Variants in CSMD1 observed in about 807,000 individuals in gnomAD.
CSMD1 encodes CUB and Sushi multiple domains 1.
A neutral mutation model predicts 417.5 loss-of-function variants in CSMD1; 213 were observed. The ratio of observed to expected loss-of-function variants is 0.51; its 90% CI spans 0.46 to 0.57. The LOEUF is 0.57. Among genes scored for constraint, CSMD1 ranks in the 20% least tolerant of loss-of-function variants. The probability of loss-of-function intolerance (pLI) is 0.00; values close to 1 mark genes in which losing one functional copy is unlikely to be tolerated. For synonymous variants in CSMD1, 2,862 were observed against 1,736.8 expected (o/e 1.65, Z -16.11); for missense variants, 6,923 against 4,529.7 (o/e 1.53, Z -15.17).
At chr8:3,257,731 C>T (rs1032990146) in intron 26 of CSMD1, among the ~76,000 whole-genome samples, 27 of 152,102 alleles carry the variant, frequency 1.8e-4, no homozygotes, top group African/African-American at 6.5e-4. Flanking sequence ...GTTGGAGAAG[C>T]ATGGACATTT....
At chr8:4,187,812 A>C (rs1435794381) in intron 3 of CSMD1, among the ~76,000 whole-genome samples, 1 of 152,144 alleles carries the variant, frequency 6.6e-6, no homozygotes, top group African/African-American at 2.4e-5. Context: ...TTATTTTCCA[A>C]AATCACAGTT....
intron 3 of CSMD1, among the ~76,000 whole-genome samples, chr8:4,108,023 G>C (rs1299466177): frequency 6.6e-6 from 1 of 151,364 alleles, no homozygotes. Flanking sequence ...AAGACTGCAG[G>C]GGAGAGAGAG....
intron 7 of CSMD1, among the ~76,000 whole-genome samples, chr8:3,673,225 T>C (rs2623611): frequency 0.12 from 18,426 of 152,204 alleles, 1,226 homozygotes; most frequent in African/African-American, 0.16. Flanking sequence ...TGAACCACAA[T>C]AAACATTTCC....
At chr8:4,420,717 G>C (rs1797202140) in intron 2 of CSMD1, among the ~76,000 whole-genome samples, 1 of 152,120 alleles carries the variant, frequency 6.6e-6, no homozygotes, top group African/African-American at 2.4e-5. Flanking sequence ...AAGGCCCCGT[G>C]CAATAGGCTG....
At chr8:3,080,409 A>G (rs1814002601) in intron 49 of CSMD1, among the ~76,000 whole-genome samples, 1 of 152,248 alleles carries the variant, frequency 6.6e-6, no homozygotes, top group Non-Finnish European at 1.5e-5. Context: ...GAACCAACAG[A>G]GATTTTCAGA....
At chr8:3,685,269 T>C (rs1038877270) in intron 7 of CSMD1, among the ~76,000 whole-genome samples, 2 of 152,226 alleles carry the variant, frequency 1.3e-5, no homozygotes, top group South Asian at 4.1e-4. Flanking sequence ...GGGCTAATTG[T>C]ACCCATTACG....
At chr8:3,993,144 A>G (rs557030549) in intron 5 of CSMD1, among the ~76,000 whole-genome samples, 1 of 152,232 alleles carries the variant, frequency 6.6e-6, no homozygotes, top group East Asian at 1.9e-4. Context: ...CAATAATTAC[A>G]CTATGGTTAT....
intron 3 of CSMD1, among the ~76,000 whole-genome samples, chr8:4,207,430 T>C (rs1297009119): frequency 6.6e-6 from 1 of 150,676 alleles, no homozygotes; most frequent in Non-Finnish European, 1.5e-5. Context: ...TTCAACCAAC[T>C]ATTTTACAGT....
At chr8:4,773,075 G>T (rs1000483781) in intron 1 of CSMD1, among the ~76,000 whole-genome samples, 1 of 152,134 alleles carries the variant, frequency 6.6e-6, no homozygotes, top group Non-Finnish European at 1.5e-5. Context: ...AAGTATTTCA[G>T]ATTTCAGATT....
At chr8:3,391,503 C>T (rs1563339806) in intron 17 of CSMD1, among the ~76,000 whole-genome samples, 1 of 152,152 alleles carries the variant, frequency 6.6e-6, no homozygotes, top group Non-Finnish European at 1.5e-5. Context: ...AATGCAATCG[C>T]TATTATATAC....
In CSMD1 at chr8:3,273,262, T is replaced by C. The variant is rs1019711049; in HGVS notation, c.4153+10882A>G. ...TAGATTTGCGTATATTGAACTAGCCTTGCATCCCAGGGATGAAGCCCACTT... is the reference window on the plus strand; with the variant it reads ...TAGATTTGCGTATATTGAACTAGCCCTGCATCCCAGGGATGAAGCCCACTT... On this transcript the variant is annotated intron_variant, in intron 26 of 69. Coordinates refer to ENST00000635120, the MANE Select transcript of CSMD1 (RefSeq NM_033225.6). 1.2e-4 allele frequency among the ~76,000 whole-genome samples: 19 copies of C among 152,082 alleles called. 1 individual carries two copies. Among genetic ancestry groups the C allele is most frequent in the African/African-American group, 4.6e-4 (19 of 41,416 alleles).
intron 5 of CSMD1, among the ~76,000 whole-genome samples, chr8:3,790,588 T>C (rs1051873602): frequency 6.6e-6 from 1 of 152,194 alleles, no homozygotes; most frequent in East Asian, 1.9e-4. Flanking sequence ...TTTTATGTTT[T>C]TGGCATACAC....
At chr8:4,149,900 A>G (rs189557245) in intron 3 of CSMD1, among the ~76,000 whole-genome samples, 151 of 152,352 alleles carry the variant, frequency 9.9e-4, no homozygotes, top group African/African-American at 3.2e-3. Flanking sequence ...TCTAATGTTC[A>G]GTAATCTACC....
At chr8:4,025,620 C>G (rs2554576) in intron 4 of CSMD1, among the ~76,000 whole-genome samples, 95,701 of 151,876 alleles carry the variant, frequency 0.63, 30,468 homozygotes, top group South Asian at 0.74. Flanking sequence ...GCAGAACATG[C>G]CAATAATATA....
chr8:4,253,750 T>C (rs1049872175), intron 3 of CSMD1, among the ~76,000 whole-genome samples: 1 of 148,830 alleles, frequency 6.7e-6, no homozygotes, highest in African/African-American at 2.5e-5. Context: ...TGTTCAATTA[T>C]ATACTTGAAA....
chr8:4,223,528 C>A (rs1017092299), intron 3 of CSMD1, among the ~76,000 whole-genome samples: 3 of 152,210 alleles, frequency 2.0e-5, no homozygotes, highest in African/African-American at 7.2e-5. Flanking sequence ...CACCACTGCT[C>A]GTTAATAACC....
At chr8:4,940,323 C>G (rs778622986) in intron 1 of CSMD1, among the ~76,000 whole-genome samples, 8 of 152,174 alleles carry the variant, frequency 5.3e-5, no homozygotes, top group South Asian at 2.1e-4. Context: ...GAATTATTTT[C>G]TGACGTGCCC....
Position 4,879,208 on chromosome 8 carries a change from G to A in CSMD1, c.85+115124C>T, listed in dbSNP as rs192624140. 2.2e-4 allele frequency among the ~76,000 whole-genome samples: 33 copies of A among 152,188 alleles called. 1 individual carries two copies. Among genetic ancestry groups the A allele is most frequent in the African/African-American group, 8.0e-4 (33 of 41,472 alleles). On this transcript the variant is annotated intron_variant, in intron 1 of 69. Transcript: ENST00000635120. ...GGCACAGAGAGACAGGCCAATGGCT[G>A]CAGCGTTTCATGAACAGGGACAAGG...
chr8:3,142,771 C>G, intron 40 of CSMD1, 97 bp from the exon 41 acceptor site: 1 of 1,004,324 alleles, frequency 1.0e-6, no homozygotes, highest in Non-Finnish European at 1.6e-6. Context: ...TCTCCCCAGA[C>G]AATCCCTCTC....
Sources: allele counts gnomAD v4.1 joint callset (sites outside exome capture counted in the v4.1 genomes callset), GRCh38; gene constraint gnomAD v4.1.1; transcripts MANE v1.5; gene names NCBI Gene and HGNC (gene_info 2026-07-23, HGNC 2026-07-21).